The following GALNT17 variants were observed in gnomAD, a reference collection of about 807,000 sequenced individuals.
GALNT17 encodes the protein polypeptide N-acetylgalactosaminyltransferase 17, also known as UDP-GalNAc:polypeptide N-acetylgalactosaminyltransferase-like 3.
A neutral mutation model predicts 63.7 loss-of-function variants in GALNT17; 29 were observed. The ratio of observed to expected loss-of-function variants is 0.46; its 90% CI spans 0.34 to 0.62. The LOEUF is 0.62. Among genes scored for constraint, GALNT17 ranks in the 20% least tolerant of loss-of-function variants. GALNT17 has a pLI of 0.01. For synonymous variants in GALNT17, 305 were observed against 318.3 expected (o/e 0.96, Z 0.45); for missense variants, 603 against 799.6 (o/e 0.75, Z 2.97).
chr7:71,669,083 C>T (rs1791028282), intron 7 of GALNT17, among the ~76,000 whole-genome samples: 1 of 152,172 alleles, frequency 6.6e-6, no homozygotes, highest in Non-Finnish European at 1.5e-5. Flanking sequence ...TCAACATCAG[C>T]GTGTCCCAGA....
rs1349250389 is a variant in GALNT17, at chr7:71,132,279, CG to C, written c.-523del. 1.3e-5 allele frequency: 2 copies of C among 152,048 alleles called. No homozygotes were observed. Among genetic ancestry groups the C allele is most frequent in the Admixed American group, 1.3e-4 (2 of 15,260 alleles). 9.4% of individuals were successfully genotyped at this position (152,048 alleles called of 1,614,324 possible). ...GGGGAGCGGGTCTTCCGCTGAAGAG[CG>C]CGGGTGGCGCGCCGCGACGGCCGCC... On this transcript the variant is annotated 5_prime_UTR_variant, in exon 1 of 11. Coordinates refer to ENST00000333538, the MANE Select transcript of GALNT17 (RefSeq NM_022479.3).
At chr7:71,282,431 G>A (rs887747409) in intron 1 of GALNT17, among the ~76,000 whole-genome samples, 3 of 152,230 alleles carry the variant, frequency 2.0e-5, no homozygotes, top group Non-Finnish European at 4.4e-5. Context: ...AAAGGAGAGG[G>A]CCATGTTATT....
chr7:71,600,879 T>C (rs1789957372), intron 6 of GALNT17, among the ~76,000 whole-genome samples: 1 of 152,094 alleles, frequency 6.6e-6, no homozygotes, highest in Non-Finnish European at 1.5e-5. Flanking sequence ...CAGTATACAC[T>C]GCACCATATT....
intron 6 of GALNT17, among the ~76,000 whole-genome samples, chr7:71,628,199 A>C (rs1205158706): frequency 6.6e-6 from 1 of 152,238 alleles, no homozygotes; most frequent in Non-Finnish European, 1.5e-5. Flanking sequence ...TATAAAATAT[A>C]GTAAAAGTGA....
chr7:71,194,233 A>G (rs1922520), intron 1 of GALNT17, among the ~76,000 whole-genome samples: 22,086 of 152,062 alleles, frequency 0.15, 1,896 homozygotes, highest in African/African-American at 0.22. Flanking sequence ...TATGATGTCC[A>G]TGTCATAAAT....
chr7:71,572,518 A>AAAAC (rs1554310756), intron 6 of GALNT17, among the ~76,000 whole-genome samples: 6 of 148,820 alleles, frequency 4.0e-5, no homozygotes, highest in African/African-American at 1.5e-4. Flanking sequence ...AAAAAAAAAA[A>AAAAC]AAAAAAAAAA....
chr7:71,551,757 CAA>C (rs398047765), intron 5 of GALNT17, among the ~76,000 whole-genome samples: 74 of 120,500 alleles, frequency 6.1e-4, no homozygotes, highest in African/African-American at 1.4e-3. Context: ...GACCCTGTCT[CAA>C]AAAAAAAAAA....
At chr7:71,695,387 A>G (rs1791524468) in intron 9 of GALNT17, among the ~76,000 whole-genome samples, 1 of 152,216 alleles carries the variant, frequency 6.6e-6, no homozygotes, top group African/African-American at 2.4e-5. Context: ...ATGATGAGTC[A>G]TATGGCAGAA....
intron 5 of GALNT17, among the ~76,000 whole-genome samples, chr7:71,484,417 G>A (rs1455857389): frequency 6.6e-6 from 1 of 152,156 alleles, no homozygotes; most frequent in South Asian, 2.1e-4. Flanking sequence ...GAACTCAGGA[G>A]GCAGAGGCTG....
intron 4 of GALNT17, among the ~76,000 whole-genome samples, chr7:71,418,516 C>T (rs1045746053): frequency 3.9e-5 from 6 of 152,214 alleles, no homozygotes; most frequent in Admixed American, 3.3e-4. Context: ...AGGAATCCTC[C>T]TGTCTAGGAC....
intron 5 of GALNT17, among the ~76,000 whole-genome samples, chr7:71,509,874 G>A (rs1011153394): frequency 6.6e-6 from 1 of 152,074 alleles, no homozygotes; most frequent in South Asian, 2.1e-4. Flanking sequence ...GGACACTGGG[G>A]GTCTTTTGTT....
intron 1 of GALNT17, among the ~76,000 whole-genome samples, chr7:71,203,013 TACAC>T (rs976072179): frequency 6.6e-6 from 1 of 151,982 alleles, no homozygotes; most frequent in Non-Finnish European, 1.5e-5. Context: ...CACACATACA[TACAC>T]ACACACACCA....
At chr7:71,422,626 C>T (rs914045328) in intron 5 of GALNT17, among the ~76,000 whole-genome samples, 3 of 152,210 alleles carry the variant, frequency 2.0e-5, no homozygotes, top group Non-Finnish European at 2.9e-5. Context: ...TTTGGGGCTC[C>T]GACCCCATGG....
chr7:71,235,638 A>T (rs947960827), intron 1 of GALNT17, among the ~76,000 whole-genome samples: 4 of 152,262 alleles, frequency 2.6e-5, no homozygotes, highest in African/African-American at 9.6e-5. Context: ...TCAGGCTTTT[A>T]TCAATCTCCC....
chr7:71,592,544 A>AATAGCATAGC (rs60698680), intron 6 of GALNT17, among the ~76,000 whole-genome samples: 1,363 of 115,132 alleles, frequency 0.012, 58 homozygotes, highest in African/African-American at 0.037. Context: ...AATAAAATAA[A>AATAGCATAGC]ATAGCATAGC....
chr7:71,666,032 T>C (rs551963131), intron 7 of GALNT17, among the ~76,000 whole-genome samples: 1 of 152,154 alleles, frequency 6.6e-6, no homozygotes, highest in African/African-American at 2.4e-5. Flanking sequence ...CTCCACATTC[T>C]GCTCAGAAGA....
intron 1 of GALNT17, among the ~76,000 whole-genome samples, chr7:71,223,000 C>T (rs949833060): frequency 1.3e-5 from 2 of 152,082 alleles, no homozygotes; most frequent in African/African-American, 4.8e-5. Context: ...TTGAGCTCAG[C>T]AGTTTAAGGT....
chr7:71,340,257 A>C (rs11979730), intron 2 of GALNT17, among the ~76,000 whole-genome samples: 9,580 of 152,268 alleles, frequency 0.063, 640 homozygotes, highest in African/African-American at 0.17. Flanking sequence ...CATCTGGCAG[A>C]ATATGGGAGG....
intron 1 of GALNT17, among the ~76,000 whole-genome samples, chr7:71,263,862 T>C (rs1562956691): frequency 6.6e-6 from 1 of 151,018 alleles, no homozygotes; most frequent in Non-Finnish European, 1.5e-5. Flanking sequence ...AGGCGGAGCT[T>C]GCAGTGAGCC....
Sources: gnomAD v4.1 joint callset for allele counts (sites outside exome capture counted in the v4.1 genomes callset) on GRCh38, gnomAD v4.1.1 for gene constraint, MANE v1.5 for transcripts, NCBI Gene and HGNC (gene_info 2026-07-23, HGNC 2026-07-21) for gene names.